Variants in ALPL observed in about 807,000 individuals in gnomAD.
The protein encoded by ALPL is alkaline phosphatase, tissue-nonspecific isozyme.
In ALPL, 42 loss-of-function variants were observed where a neutral mutation model predicts 51.3. The ratio of observed to expected loss-of-function variants is 0.82; its 90% CI spans 0.64 to 1.06. The LOEUF (loss-of-function observed/expected upper bound fraction) is 1.06. Among genes scored for constraint, ALPL ranks in the 50% least tolerant of loss-of-function variants. The probability of loss-of-function intolerance (pLI) is 0.00; values close to 1 mark genes in which losing one functional copy is unlikely to be tolerated. For synonymous variants in ALPL, 279 were observed against 296.4 expected (o/e 0.94, Z 0.60); for missense variants, 589 against 709.4 (o/e 0.83, Z 1.93).
chr1:21,523,981 T>C (rs1439871623), intron 1 of ALPL, among the ~76,000 whole-genome samples: 1 of 148,016 alleles, frequency 6.8e-6, no homozygotes, highest in East Asian at 2.0e-4. Flanking sequence ...CCCCAAAGGG[T>C]AGATACTCAA....
intron 1 of ALPL, among the ~76,000 whole-genome samples, chr1:21,528,656 T>C (rs1643986362): frequency 6.6e-6 from 1 of 151,938 alleles, no homozygotes; most frequent in South Asian, 2.1e-4. Flanking sequence ...GGCCGACCTA[T>C]TCAGTTTCTT....
intron 1 of ALPL, among the ~76,000 whole-genome samples, chr1:21,547,587 C>T (rs1409339442): frequency 2.6e-5 from 4 of 152,224 alleles, no homozygotes; most frequent in Admixed American, 2.6e-4. Context: ...TAAGCTCGTT[C>T]AGCTTCCATT....
chr1:21,529,172 A>T (rs1643996069), intron 1 of ALPL, among the ~76,000 whole-genome samples: 2 of 152,008 alleles, frequency 1.3e-5, no homozygotes, highest in African/African-American at 4.8e-5. Context: ...TGTGATTCTG[A>T]CTTACAATTA....
At chr1:21,518,738 G>A (rs1570166439) in intron 1 of ALPL, among the ~76,000 whole-genome samples, 1 of 152,226 alleles carries the variant, frequency 6.6e-6, no homozygotes, top group Admixed American at 6.5e-5. Context: ...TGGGGAGAGG[G>A]CTCCGTAATA....
intron 1 of ALPL, among the ~76,000 whole-genome samples, chr1:21,533,918 T>C (rs1459468057): frequency 1.3e-5 from 1 of 77,984 alleles, no homozygotes; most frequent in Non-Finnish European, 2.5e-5. Flanking sequence ...AGTAAAACTC[T>C]TGTCTCAAAA....
At chr1:21,562,471 G>T (rs1412891813) in intron 4 of ALPL, among the ~76,000 whole-genome samples, 1 of 152,136 alleles carries the variant, frequency 6.6e-6, no homozygotes, top group African/African-American at 2.4e-5. Context: ...CCAGACCCTG[G>T]GTCAGGCCCC....
chr1:21,551,780 C>A (rs182781510), intron 1 of ALPL, among the ~76,000 whole-genome samples: 1 of 129,228 alleles, frequency 7.7e-6, no homozygotes, highest in Non-Finnish European at 1.5e-5. Flanking sequence ...GGCTGGAGTG[C>A]AGTGGCGCGA....
chr1:21,568,271 G>A (rs1644596456), intron 7 of ALPL, 24 bp downstream of exon 7: 1 of 1,613,888 alleles, frequency 6.2e-7, no homozygotes, highest in East Asian at 2.2e-5. Flanking sequence ...GGGCCATGTG[G>A]CTGCAGAGGT....
At chr1:21,568,760 C>T (rs576155959) in intron 7 of ALPL, among the ~76,000 whole-genome samples, 4 of 151,958 alleles carry the variant, frequency 2.6e-5, no homozygotes, top group Non-Finnish European at 4.4e-5. Flanking sequence ...ATGGAGGGAG[C>T]GGAGAAGCCC....
chr1:21,567,372 T>G (rs1558551765), intron 6 of ALPL, among the ~76,000 whole-genome samples: 1 of 146,842 alleles, frequency 6.8e-6, no homozygotes, highest in Non-Finnish European at 1.5e-5. Flanking sequence ...CAGTCCCGCG[T>G]CCGTCTGCCC....
chr1:21,573,436 C>G (rs1175696549), intron 8 of ALPL, among the ~76,000 whole-genome samples: 7 of 114,052 alleles, frequency 6.1e-5, no homozygotes, highest in African/African-American at 2.4e-4. Context: ...GACTCTGTCT[C>G]AAAAAAAAAA....
chr1:21,575,818 G>A lies in ALPL; in HGVS notation c.1083G>A (p.Gln361=). The change falls in exon 10 of 12, where the codon CAG becomes CAA. Residue 361 remains glutamine (Q), a synonymous_variant. Coordinates refer to ENST00000374840, the MANE Select transcript of ALPL (RefSeq NM_000478.6). The part of the protein sequence containing the change: ...EAVEMDRAIG[Q]AGSLTSSEDT... ...TGGAGATGGACCGGGCCATCGGGCA[G>A]GCAGGCAGCTTGACCTCCTCGGAAG... 2 of 1,614,256 alleles carry A rather than the reference G, an allele frequency of 1.2e-6. No homozygotes were observed. Among genetic ancestry groups the A allele is most frequent in the Non-Finnish European group, 1.7e-6 (2 of 1,180,040 alleles).
chr1:21,560,284 C>G (rs1407679746), intron 2 of ALPL, among the ~76,000 whole-genome samples: 2 of 152,240 alleles, frequency 1.3e-5, no homozygotes, highest in African/African-American at 4.8e-5. Flanking sequence ...CAGCTCATCT[C>G]CCTACTGGGT....
chr1:21,570,404 A>T (rs1318222818), intron 8 of ALPL, 30 bp downstream of exon 8: 1 of 1,609,494 alleles, frequency 6.2e-7, no homozygotes, highest in East Asian at 2.2e-5. Flanking sequence ...GGGAGGATGC[A>T]TGGCTCGGAG....
chr1:21,543,312 C>T (rs1644213610), intron 1 of ALPL, among the ~76,000 whole-genome samples: 1 of 151,930 alleles, frequency 6.6e-6, no homozygotes, highest in African/African-American at 2.4e-5. Context: ...TTTTCCCCAA[C>T]ACTCCCTTTA....
chr1:21,575,987 G>A, intron 10 of ALPL, 63 bp downstream of exon 10: 4 of 1,588,042 alleles, frequency 2.5e-6, no homozygotes, highest in Non-Finnish European at 2.6e-6. Flanking sequence ...CTGGGAGCAG[G>A]AGTGGGTGGG....
chr1:21,560,519 C>A, intron 2 of ALPL, 107 bp from the exon 3 acceptor site: 1 of 1,467,312 alleles, frequency 6.8e-7, no homozygotes, highest in Non-Finnish European at 9.3e-7. Flanking sequence ...CACCCACCTC[C>A]AAGTTCAGGC....
intron 1 of ALPL, among the ~76,000 whole-genome samples, chr1:21,510,186 G>T: frequency 6.6e-6 from 1 of 152,222 alleles, no homozygotes; most frequent in Non-Finnish European, 1.5e-5. Context: ...GCTTTGCGAG[G>T]TGGGCCTCCC....
At chr1:21,575,478 A>G (rs577225599) in intron 9 of ALPL, among the ~76,000 whole-genome samples, 1 of 152,236 alleles carries the variant, frequency 6.6e-6, no homozygotes, top group African/African-American at 2.4e-5. Flanking sequence ...CGGCCTGGTG[A>G]ATTTGATTAC....
Sources: allele counts gnomAD v4.1 joint callset (sites outside exome capture counted in the v4.1 genomes callset), GRCh38; gene constraint gnomAD v4.1.1; transcripts MANE v1.5; gene names NCBI Gene and HGNC (gene_info 2026-07-23, HGNC 2026-07-21).